The following KCTD16 variants were observed in gnomAD, a reference collection of about 807,000 sequenced individuals.
KCTD16 encodes the protein potassium channel tetramerization domain containing 16.
KCTD16 carries 13 observed loss-of-function variants against 33.2 expected under a neutral mutation model. The ratio of observed to expected loss-of-function variants is 0.39; its 90% CI spans 0.25 to 0.62. KCTD16 has a LOEUF of 0.62. Ranked by LOEUF, KCTD16 falls within the 20% of genes least tolerant of loss-of-function variation. The pLI, the probability that KCTD16 is intolerant of heterozygous loss-of-function variation, is 0.50. For synonymous variants in KCTD16, 197 were observed against 195.3 expected (o/e 1.01, Z -0.07); for missense variants, 441 against 525.1 (o/e 0.84, Z 1.57).
Position 144,239,010 on chromosome 5 carries a change from G to C in KCTD16, c.832+31464G>C, listed in dbSNP as rs1182793465. On this transcript the variant is annotated intron_variant, in intron 3 of 3. Coordinates refer to ENST00000512467, the MANE Select transcript of KCTD16 (RefSeq NM_020768.4). ...GCATGTGGGCTTGAGAGCACACAGGGGAAGCCCACGAGAAAACTCAATAAA... is the reference window on the plus strand; with the variant it reads ...GCATGTGGGCTTGAGAGCACACAGGCGAAGCCCACGAGAAAACTCAATAAA... 3.3e-5 allele frequency among the ~76,000 whole-genome samples: 5 copies of C among 152,206 alleles called. No homozygotes were observed. The East Asian group carries it at 9.7e-4, about 29-fold the overall frequency.
At chr5:144,428,568 G>T (rs935253050) in intron 3 of KCTD16, among the ~76,000 whole-genome samples, 19 of 152,170 alleles carry the variant, frequency 1.2e-4, no homozygotes, top group African/African-American at 4.1e-4. Flanking sequence ...AAATCAAATT[G>T]TCATTTTACA....
intron 3 of KCTD16, among the ~76,000 whole-genome samples, chr5:144,437,653 A>C (rs1753608425): frequency 6.6e-6 from 1 of 152,212 alleles, no homozygotes; most frequent in Non-Finnish European, 1.5e-5. Context: ...CAATATCAAC[A>C]TGTACAGGTA....
intron 3 of KCTD16, among the ~76,000 whole-genome samples, chr5:144,228,873 A>G (rs1754012977): frequency 6.6e-6 from 1 of 152,242 alleles, no homozygotes; most frequent in Non-Finnish European, 1.5e-5. Flanking sequence ...ACCTACGTAT[A>G]GTAATATAGT....
chr5:144,336,297 CA>C (rs1463269638), intron 3 of KCTD16, among the ~76,000 whole-genome samples: 1 of 152,192 alleles, frequency 6.6e-6, no homozygotes, highest in Admixed American at 6.5e-5. Flanking sequence ...AAGCAATGAA[CA>C]AAGCATAAAG....
At chr5:144,358,754 C>T (rs1751635579) in intron 3 of KCTD16, among the ~76,000 whole-genome samples, 1 of 152,170 alleles carries the variant, frequency 6.6e-6, no homozygotes, top group South Asian at 2.1e-4. Flanking sequence ...GACCTACTGA[C>T]TGGTTCATAG....
intron 2 of KCTD16, among the ~76,000 whole-genome samples, chr5:144,200,793 A>C (rs1753029610): frequency 6.6e-6 from 1 of 152,202 alleles, no homozygotes; most frequent in Admixed American, 6.5e-5. Flanking sequence ...GCTGGTGTGC[A>C]GAGGCACCAT....
chr5:144,352,440 C>A (rs1751468483), intron 3 of KCTD16, among the ~76,000 whole-genome samples: 2 of 152,180 alleles, frequency 1.3e-5, no homozygotes, highest in East Asian at 3.9e-4. Context: ...ATACTCCTCC[C>A]ACCCCAAACA....
At chr5:144,458,079 A>G (rs552527123) in intron 3 of KCTD16, among the ~76,000 whole-genome samples, 1 of 152,312 alleles carries the variant, frequency 6.6e-6, no homozygotes, top group Non-Finnish European at 1.5e-5. Context: ...TCCTTAAGAA[A>G]CTGGAAGTCT....
intron 3 of KCTD16, among the ~76,000 whole-genome samples, chr5:144,435,750 A>G (rs1219472524): frequency 6.6e-6 from 1 of 151,956 alleles, no homozygotes; most frequent in Admixed American, 6.6e-5. Context: ...TGCTTTTGCC[A>G]TCCTTGGTAG....
chr5:144,400,352 C>G (rs1389304242), intron 3 of KCTD16, among the ~76,000 whole-genome samples: 1 of 152,174 alleles, frequency 6.6e-6, no homozygotes, highest in Non-Finnish European at 1.5e-5. Context: ...AGGTGGTTAG[C>G]TATCTCTCTG....
intron 3 of KCTD16, among the ~76,000 whole-genome samples, chr5:144,414,147 C>T (rs947551374): frequency 6.6e-6 from 1 of 152,186 alleles, no homozygotes; most frequent in Non-Finnish European, 1.5e-5. Context: ...AAACTTAGTT[C>T]TGCTTCCCAA....
chr5:144,295,328 T>C (rs1474806361), intron 3 of KCTD16, among the ~76,000 whole-genome samples: 1 of 152,214 alleles, frequency 6.6e-6, no homozygotes. Flanking sequence ...TAGGGTTCTC[T>C]AGAAACAAAT....
At chr5:144,203,780 G>C (rs535028599) in intron 2 of KCTD16, among the ~76,000 whole-genome samples, 1 of 152,152 alleles carries the variant, frequency 6.6e-6, no homozygotes, top group Non-Finnish European at 1.5e-5. Context: ...TTGACCTGAT[G>C]TCAACGAAAT....
At chr5:144,344,905 C>T (rs1378851932) in intron 3 of KCTD16, among the ~76,000 whole-genome samples, 8 of 151,662 alleles carry the variant, frequency 5.3e-5, no homozygotes, top group East Asian at 1.9e-4. Context: ...GACATGCACA[C>T]GTATGTTTAT....
chr5:144,307,440 A>G (rs753329818), intron 3 of KCTD16, among the ~76,000 whole-genome samples: 1 of 152,100 alleles, frequency 6.6e-6, no homozygotes, highest in Non-Finnish European at 1.5e-5. Context: ...GCACCCATCT[A>G]GTGCTTTTAG....
chr5:144,410,614 C>A (rs780308189), intron 3 of KCTD16, among the ~76,000 whole-genome samples: 29 of 152,018 alleles, frequency 1.9e-4, no homozygotes, highest in Non-Finnish European at 2.2e-4. Flanking sequence ...TGGGCTTGTT[C>A]ATTACTTCTG....
intron 3 of KCTD16, among the ~76,000 whole-genome samples, chr5:144,451,835 G>A (rs1187581994): frequency 2.0e-5 from 3 of 152,098 alleles, no homozygotes; most frequent in Admixed American, 6.6e-5. Context: ...TGGCTCAGAA[G>A]CAGGTATTCT....
rs1312279000 is a variant in KCTD16, at chr5:144,299,250, C to G, written c.832+91704C>G. 2.7e-5 allele frequency among the ~76,000 whole-genome samples: 4 copies of G among 146,752 alleles called. 1 individual carries two copies. The highest frequency in any genetic ancestry group is 1.4e-4 in the Admixed American group (2 of 14,578). ...TTTGACAAAAATCTTCAACCTCTTTCATTTTCAACCTTTTCCTCAAAAAGA... is the reference window on the plus strand; with the variant it reads ...TTTGACAAAAATCTTCAACCTCTTTGATTTTCAACCTTTTCCTCAAAAAGA... On this transcript the variant is annotated intron_variant, in intron 3 of 3. Coordinates refer to ENST00000512467, the MANE Select transcript of KCTD16 (RefSeq NM_020768.4).
At chr5:144,368,773 G>A (rs1751896458) in intron 3 of KCTD16, among the ~76,000 whole-genome samples, 1 of 152,146 alleles carries the variant, frequency 6.6e-6, no homozygotes, top group Admixed American at 6.6e-5. Context: ...CACTGTCCTA[G>A]GCATAGTGCC....
Sources: allele counts gnomAD v4.1 joint callset (sites outside exome capture counted in the v4.1 genomes callset), GRCh38; gene constraint gnomAD v4.1.1; transcripts MANE v1.5; gene names NCBI Gene and HGNC (gene_info 2026-07-23, HGNC 2026-07-21).